Variants in CCSER1 observed in about 807,000 individuals in gnomAD.
CCSER1 encodes the protein serine-rich coiled-coil domain-containing protein 1.
Under a neutral mutation model 82.0 loss-of-function variants are expected in CCSER1, and 41 were observed. The observed-to-expected ratio is 0.50, with a 90% CI of 0.39 to 0.65. The LOEUF is 0.65. CCSER1 is among the 30% of genes least tolerant of loss of function. The pLI is 0.00. For synonymous variants in CCSER1, 414 were observed against 383.9 expected, an observed-to-expected ratio of 1.08 and a Z score of -0.92; for missense variants, 1,119 against 1,064.2, an observed-to-expected ratio of 1.05 and a Z score of -0.72.
intron 1 of CCSER1, among the ~76,000 whole-genome samples, chr4:90,213,326 G>T (rs763917190): frequency 6.6e-6 from 1 of 152,114 alleles, no homozygotes; most frequent in Non-Finnish European, 1.5e-5. Context: ...ATTGTGAGAT[G>T]AGCAAGTATT....
intron 7 of CCSER1, among the ~76,000 whole-genome samples, chr4:90,734,506 GT>G (rs137971052): frequency 0.058 from 8,778 of 152,024 alleles, 310 homozygotes; most frequent in East Asian, 0.16. Flanking sequence ...GTGTTTTATG[GT>G]TTTCATTGTA....
chr4:90,756,707 T>C (rs936834553), intron 7 of CCSER1, among the ~76,000 whole-genome samples: 1 of 152,218 alleles, frequency 6.6e-6, no homozygotes, highest in Non-Finnish European at 1.5e-5. Context: ...TTCCTAGTTC[T>C]TGTTATGACA....
intron 5 of CCSER1, among the ~76,000 whole-genome samples, chr4:90,473,941 GT>G (rs1184262586): frequency 2.6e-5 from 4 of 151,938 alleles, no homozygotes; most frequent in Non-Finnish European, 5.9e-5. Context: ...AGTGCTAGGG[GT>G]TTTGTGTTGA....
intron 10 of CCSER1, among the ~76,000 whole-genome samples, chr4:91,285,465 C>A (rs1048693485): frequency 6.6e-6 from 1 of 151,590 alleles, no homozygotes; most frequent in Non-Finnish European, 1.5e-5. Context: ...TTAAACTTAC[C>A]TTTTGCTTTC....
chr4:91,602,894 CTTTA>C lies in CCSER1; in HGVS notation c.*3842_*3845del. ...ATTTTGATTGCTATCTAAGACTTGACTTTATTTAGGCATTATTATCAGATCCTGT... is the reference window on the plus strand; with the variant it reads ...ATTTTGATTGCTATCTAAGACTTGACTTTAGGCATTATTATCAGATCCTGT... On this transcript the variant is annotated 3_prime_UTR_variant, in exon 11 of 11. Coordinates refer to ENST00000509176, the MANE Select transcript of CCSER1 (RefSeq NM_001145065.2). 6.6e-6 allele frequency among the ~76,000 whole-genome samples: 1 copy of C among 152,028 alleles called. No homozygotes were observed. Among genetic ancestry groups the C allele is most frequent in the South Asian group, 2.1e-4 (1 of 4,834 alleles).
chr4:90,647,385 C>A (rs747290628), intron 6 of CCSER1, among the ~76,000 whole-genome samples: 3 of 152,034 alleles, frequency 2.0e-5, no homozygotes, highest in Non-Finnish European at 2.9e-5. Context: ...GCACGTTAAC[C>A]GCTTTTACAG....
At chr4:91,089,175 A>G (rs568997635) in intron 10 of CCSER1, among the ~76,000 whole-genome samples, 2 of 152,198 alleles carry the variant, frequency 1.3e-5, no homozygotes, top group African/African-American at 2.4e-5. Flanking sequence ...AAGGGCCGTG[A>G]TTGATTGAAC....
chr4:90,272,222 A>T (rs1038587474), intron 1 of CCSER1, among the ~76,000 whole-genome samples: 1 of 152,136 alleles, frequency 6.6e-6, no homozygotes, highest in Admixed American at 6.6e-5. Flanking sequence ...TGTAGGAACA[A>T]TCTATTAATC....
chr4:91,522,664 G>T (rs1488888318), intron 10 of CCSER1, among the ~76,000 whole-genome samples: 5 of 152,000 alleles, frequency 3.3e-5, no homozygotes, highest in Non-Finnish European at 5.9e-5. Flanking sequence ...TCATGATTTG[G>T]CTCTCTGTTT....
intron 10 of CCSER1, among the ~76,000 whole-genome samples, chr4:91,349,332 T>C (rs1748304258): frequency 1.3e-5 from 2 of 152,206 alleles, no homozygotes; most frequent in South Asian, 4.1e-4. Flanking sequence ...CTTGGTTTTG[T>C]CTTCCCTGTT....
At chr4:91,222,540 T>C (rs570178936) in intron 10 of CCSER1, among the ~76,000 whole-genome samples, 1 of 152,306 alleles carries the variant, frequency 6.6e-6, no homozygotes, top group African/African-American at 2.4e-5. Context: ...CGATCTCAAA[T>C]AAGCTTCCCA....
intron 6 of CCSER1, among the ~76,000 whole-genome samples, chr4:90,651,750 G>T (rs1490894642): frequency 6.6e-6 from 1 of 152,020 alleles, no homozygotes; most frequent in Non-Finnish European, 1.5e-5. Flanking sequence ...CCCCCTCTAG[G>T]ACAGAGAGCA....
At chr4:90,381,349 A>G (rs1204024252) in intron 3 of CCSER1, among the ~76,000 whole-genome samples, 1 of 152,230 alleles carries the variant, frequency 6.6e-6, no homozygotes, top group Non-Finnish European at 1.5e-5. Context: ...TTATGAAACA[A>G]ATTTGAAAAG....
chr4:90,141,785 A>G (rs1724840459), intron 1 of CCSER1, among the ~76,000 whole-genome samples: 1 of 152,228 alleles, frequency 6.6e-6, no homozygotes, highest in Admixed American at 6.5e-5. Context: ...CAAGGCTAAT[A>G]TGCCAAGTTA....
chr4:91,093,295 A>G (rs573943154), intron 10 of CCSER1, among the ~76,000 whole-genome samples: 31 of 152,314 alleles, frequency 2.0e-4, no homozygotes, highest in African/African-American at 6.3e-4. Context: ...GGTCTCGAAG[A>G]TCGAGTCTGC....
At chr4:91,253,926 T>G (rs1032709938) in intron 10 of CCSER1, among the ~76,000 whole-genome samples, 1 of 152,030 alleles carries the variant, frequency 6.6e-6, no homozygotes, top group African/African-American at 2.4e-5. Context: ...GAGGACAGTA[T>G]TAAGGGGGAC....
intron 6 of CCSER1, among the ~76,000 whole-genome samples, chr4:90,712,766 A>G (rs1389297591): frequency 6.6e-6 from 1 of 151,806 alleles, no homozygotes; most frequent in African/African-American, 2.4e-5. Context: ...ATTGTGTGAG[A>G]GTTGAAGTCT....
chr4:90,232,245 A>C (rs1744740337), intron 1 of CCSER1, among the ~76,000 whole-genome samples: 1 of 151,794 alleles, frequency 6.6e-6, no homozygotes, highest in African/African-American at 2.4e-5. Flanking sequence ...ACAGTAACCA[A>C]AACAGCATGG....
chr4:90,397,449 G>C (rs923474036), intron 3 of CCSER1, among the ~76,000 whole-genome samples: 7 of 152,272 alleles, frequency 4.6e-5, no homozygotes, highest in African/African-American at 1.7e-4. Flanking sequence ...TTCAAAAAAG[G>C]ATTGAACAAC....
Sources: gnomAD v4.1 joint callset for allele counts (sites outside exome capture counted in the v4.1 genomes callset) on GRCh38, gnomAD v4.1.1 for gene constraint, MANE v1.5 for transcripts, NCBI Gene and HGNC (gene_info 2026-07-23, HGNC 2026-07-21) for gene names.